FLNB: variants seen among roughly 807,000 people sequenced by gnomAD.
The protein encoded by FLNB is filamin B, also known as filamin-B.
Under a neutral mutation model 250.6 loss-of-function variants are expected in FLNB, and 111 were observed. That is an observed-to-expected ratio of 0.44 (90% CI 0.38 to 0.52). The LOEUF (loss-of-function observed/expected upper bound fraction) is 0.52, where lower values mean the gene tolerates loss of function less well. FLNB is among the 20% of genes least tolerant of loss of function. The pLI is 0.00. For missense variants in FLNB, 2,869 were observed against 3,447.8 expected (o/e 0.83, Z 4.20); for synonymous variants, 1,302 against 1,372.1 (o/e 0.95, Z 1.13).
chr3:58,138,915 G>A (rs1409406955), intron 29 of FLNB, among the ~76,000 whole-genome samples: 1 of 152,182 alleles, frequency 6.6e-6, no homozygotes, highest in Non-Finnish European at 1.5e-5. Flanking sequence ...ATTCTCCATG[G>A]CTGGAGGAGA....
chr3:58,141,807 G>A, intron 29 of FLNB, 51 bp from the exon 30 acceptor site: 4 of 1,495,846 alleles, frequency 2.7e-6, no homozygotes, highest in Non-Finnish European at 3.7e-6. Flanking sequence ...AGTCTACTGA[G>A]TGTATCCTTC....
chr3:58,150,817 G>T, intron 38 of FLNB: 1 of 160,312 alleles, frequency 6.2e-6, no homozygotes, highest in Non-Finnish European at 1.4e-5. Flanking sequence ...AAATTTTGAG[G>T]CTCCTCTGCC....
At chr3:58,117,722 G>A (rs1277135770) in intron 18 of FLNB, among the ~76,000 whole-genome samples, 1 of 150,818 alleles carries the variant, frequency 6.6e-6, no homozygotes, top group Non-Finnish European at 1.5e-5. Flanking sequence ...GAGGCAGGGG[G>A]CCAATTGGTT....
chr3:58,028,328 T>C (rs2097126205), intron 1 of FLNB, among the ~76,000 whole-genome samples: 1 of 152,050 alleles, frequency 6.6e-6, no homozygotes, highest in African/African-American at 2.4e-5. Flanking sequence ...AATAGGAAAA[T>C]CACAGGACTA....
chr3:58,017,417 A>AT (rs1216832639), intron 1 of FLNB, among the ~76,000 whole-genome samples: 2 of 151,906 alleles, frequency 1.3e-5, no homozygotes, highest in Non-Finnish European at 2.9e-5. Flanking sequence ...CACCTGGATA[A>AT]TTTTTTTGCA....
chr3:58,095,219 G>GTTTGTTTATTTATTTA (rs1553694976), intron 5 of FLNB, among the ~76,000 whole-genome samples: 2 of 95,434 alleles, frequency 2.1e-5, no homozygotes, highest in African/African-American at 9.5e-5. Context: ...GTCAGTTGAG[G>GTTTGTTTATTTATTTA]TTTATGTATG....
chr3:58,077,262 C>T lies in FLNB; in HGVS notation c.509C>T (p.Ala170Val). 6.2e-7 allele frequency: 1 copy of T among 1,614,134 alleles called. No homozygotes were observed. The highest frequency in any genetic ancestry group is 8.5e-7 in the Non-Finnish European group (1 of 1,179,998). ...AACCAGAACTGGCAAGACGGCAAAG[C>T]CCTGGGAGCCCTGGTAGACAGCTGT... ...NFNQNWQDGKALGALVDSCAP... is the reference protein window; with the variant it reads ...NFNQNWQDGKVLGALVDSCAP... Residue 170 changes from alanine (A) to valine (V), a missense_variant, in exon 2 of 46, where the codon GCC (alanine) becomes GTC (valine). Coordinates refer to ENST00000295956, the MANE Select transcript of FLNB (RefSeq NM_001457.4).
At chr3:58,039,934 C>T (rs1239776712) in intron 1 of FLNB, among the ~76,000 whole-genome samples, 1 of 152,146 alleles carries the variant, frequency 6.6e-6, no homozygotes, top group African/African-American at 2.4e-5. Context: ...CACCTGAGGT[C>T]AAGAGTTGAA....
intron 43 of FLNB, among the ~76,000 whole-genome samples, chr3:58,166,274 G>C (rs1465958855): frequency 1.3e-5 from 2 of 152,158 alleles, no homozygotes; most frequent in East Asian, 3.9e-4. Context: ...AAGATGAACT[G>C]ATTTTTGGTT....
At chr3:58,102,599 G>A (rs2097252920) in intron 9 of FLNB, among the ~76,000 whole-genome samples, 1 of 152,214 alleles carries the variant, frequency 6.6e-6, no homozygotes, top group Non-Finnish European at 1.5e-5. Flanking sequence ...ATGTAAAGGA[G>A]TTGGGGAAAT....
chr3:58,021,897 C>T (rs1295855131), intron 1 of FLNB, among the ~76,000 whole-genome samples: 1 of 152,158 alleles, frequency 6.6e-6, no homozygotes. Context: ...ACCTCAGCCT[C>T]CCACGTAGTC....
rs66977380 is a variant in FLNB at position 58,148,076 on chromosome 3, AT to A, written c.5729-121del. ...TGGGTCTACTCAGTGTTCAAGGCTC[AT>A]TTTTTTTTCACTTAACTTTGTGTAA... On this transcript the variant is annotated intron_variant, in intron 34 of 45. Transcript: ENST00000295956. The A allele has an allele frequency of 0.34, 301,092 of 896,586 alleles. 53,284 individuals carry two copies. The highest frequency in any genetic ancestry group is 0.39 in the Middle Eastern group (1,326 of 3,438). The allele number at this position is 896,586 out of a possible 1,614,324, so 55.5% of individuals were successfully genotyped here. A position where few individuals can be genotyped will look rare whatever the true frequency, so the allele number is the denominator to read the frequency against.
At chr3:58,066,180 T>G (rs2097185343) in intron 1 of FLNB, among the ~76,000 whole-genome samples, 1 of 152,090 alleles carries the variant, frequency 6.6e-6, no homozygotes, top group East Asian at 1.9e-4. Flanking sequence ...GTCTATACTT[T>G]TTTTCTTCTT....
intron 1 of FLNB, among the ~76,000 whole-genome samples, chr3:58,040,603 T>TCCTGCCTA (rs1239222042): frequency 3.9e-5 from 6 of 152,234 alleles, no homozygotes; most frequent in African/African-American, 1.4e-4. Context: ...CAAGCGATTC[T>TCCTGCCTA]CCTGCCTAAG....
intron 42 of FLNB, among the ~76,000 whole-genome samples, chr3:58,161,337 G>T (rs543718025): frequency 1.3e-5 from 2 of 152,184 alleles, no homozygotes; most frequent in Non-Finnish European, 2.9e-5. Context: ...GTGAGGATTG[G>T]TCAGGGCCTT....
At chr3:58,168,290 C>T in intron 43 of FLNB, 150 bp from the exon 44 acceptor site, 1 of 713,806 alleles carries the variant, frequency 1.4e-6, no homozygotes, top group East Asian at 2.7e-5. Context: ...TTCTCTCTGC[C>T]AGAAGTTCAG....
chr3:58,066,364 C>T (rs1052949247), intron 1 of FLNB, among the ~76,000 whole-genome samples: 3 of 151,890 alleles, frequency 2.0e-5, no homozygotes, highest in Non-Finnish European at 4.4e-5. Context: ...GGATTACAGG[C>T]GCCCGCCACC....
intron 41 of FLNB, among the ~76,000 whole-genome samples, chr3:58,159,289 G>A (rs576148528): frequency 2.0e-5 from 3 of 152,296 alleles, no homozygotes; most frequent in African/African-American, 7.2e-5. Context: ...TAGTCCTTTT[G>A]ACCAGGATGT....
At chr3:58,086,883 G>T (rs1262570965) in intron 4 of FLNB, among the ~76,000 whole-genome samples, 3 of 152,204 alleles carry the variant, frequency 2.0e-5, no homozygotes, top group Non-Finnish European at 4.4e-5. Context: ...GGGAGGCTGA[G>T]GTGGGTGGAT....
Sources: gnomAD v4.1 joint callset for allele counts (sites outside exome capture counted in the v4.1 genomes callset) on GRCh38, gnomAD v4.1.1 for gene constraint, MANE v1.5 for transcripts, NCBI Gene and HGNC (gene_info 2026-07-23, HGNC 2026-07-21) for gene names.